Variants in THSD7B observed in about 807,000 individuals in gnomAD.
The protein encoded by THSD7B is thrombospondin type 1 domain containing 7B.
Under a neutral mutation model 213.6 loss-of-function variants are expected in THSD7B, and 138 were observed. The ratio of observed to expected loss-of-function variants is 0.65; its 90% CI spans 0.56 to 0.74. THSD7B has a LOEUF of 0.74. THSD7B is among the 30% of genes least tolerant of loss of function. The pLI is 0.00. For missense variants in THSD7B, 1,931 were observed against 1,991.5 expected, an observed-to-expected ratio of 0.97 and a Z score of 0.58; for synonymous variants, 742 against 687.0, an observed-to-expected ratio of 1.08 and a Z score of -1.25.
chr2:137,071,901 A>G (rs2104892629), intron 3 of THSD7B, among the ~76,000 whole-genome samples: 1 of 152,268 alleles, frequency 6.6e-6, no homozygotes, highest in African/African-American at 2.4e-5. Flanking sequence ...CAGGTTTGTC[A>G]AAGATCAGAT....
At chr2:137,216,717 A>T (rs1043022672) in intron 7 of THSD7B, among the ~76,000 whole-genome samples, 1 of 152,150 alleles carries the variant, frequency 6.6e-6, no homozygotes, top group Admixed American at 6.5e-5. Context: ...TAGTTTGTGA[A>T]ATTTCACAGC....
chr2:136,793,971 G>GT (rs59468694), intron 1 of THSD7B, among the ~76,000 whole-genome samples: 4,751 of 150,384 alleles, frequency 0.032, 257 homozygotes, highest in African/African-American at 0.11. Context: ...GGTAATTTGT[G>GT]TTTTTTTTGT....
At chr2:136,852,351 C>CA (rs1024021215) in intron 1 of THSD7B, among the ~76,000 whole-genome samples, 3 of 134,882 alleles carry the variant, frequency 2.2e-5, no homozygotes, top group East Asian at 2.1e-4. Context: ...AACAAAACAA[C>CA]AAAAAAACCA....
chr2:137,361,568 G>A (rs190682767), intron 12 of THSD7B, among the ~76,000 whole-genome samples: 168 of 152,256 alleles, frequency 1.1e-3, no homozygotes, highest in African/African-American at 3.5e-3. Flanking sequence ...ACCGTGGCAC[G>A]AGAACTACAT....
chr2:137,277,502 T>A (rs879795760), intron 12 of THSD7B, among the ~76,000 whole-genome samples: 7 of 151,996 alleles, frequency 4.6e-5, no homozygotes, highest in Non-Finnish European at 8.8e-5. Flanking sequence ...TATCTTTTCT[T>A]TAAATTAAGA....
At chr2:137,056,355 T>C (rs1687162094) in intron 2 of THSD7B, 65 bp from the exon 3 acceptor site, 1 of 1,499,322 alleles carries the variant, frequency 6.7e-7, no homozygotes, top group Admixed American at 2.0e-5. Flanking sequence ...AATTGACTTC[T>C]ACTTACCTGT....
intron 15 of THSD7B, among the ~76,000 whole-genome samples, chr2:137,516,875 G>T (rs1680079752): frequency 6.6e-6 from 1 of 152,164 alleles, no homozygotes. Context: ...GGAGATTAGT[G>T]CCACCATCAA....
chr2:136,987,612 G>A (rs563683765), intron 2 of THSD7B, among the ~76,000 whole-genome samples: 8 of 152,124 alleles, frequency 5.3e-5, no homozygotes, highest in Non-Finnish European at 1.2e-4. Context: ...CATTCTTCTC[G>A]CCAGCTTTCC....
At chr2:137,058,881 G>A (rs1042730222) in intron 3 of THSD7B, among the ~76,000 whole-genome samples, 1 of 152,078 alleles carries the variant, frequency 6.6e-6, no homozygotes, top group South Asian at 2.1e-4. Context: ...GACTATGCTG[G>A]TACCCTGGTC....
intron 21 of THSD7B, among the ~76,000 whole-genome samples, chr2:137,648,582 T>G (rs1438872949): frequency 6.6e-6 from 1 of 152,184 alleles, no homozygotes; most frequent in African/African-American, 2.4e-5. Context: ...TGAGTAATAG[T>G]CCATTTGTAT....
intron 20 of THSD7B, among the ~76,000 whole-genome samples, chr2:137,638,240 T>C (rs111415290): frequency 0.028 from 4,264 of 152,240 alleles, 143 homozygotes; most frequent in African/African-American, 0.08. Flanking sequence ...AATTCCCACG[T>C]GTTGTAGGAG....
chr2:137,246,275 G>A (rs1021320407), intron 10 of THSD7B, among the ~76,000 whole-genome samples: 5 of 152,076 alleles, frequency 3.3e-5, no homozygotes, highest in African/African-American at 7.2e-5. Context: ...GTTGAGAAGC[G>A]GTTATGTCTG....
chr2:137,267,643 C>G (rs1237045340), intron 10 of THSD7B, among the ~76,000 whole-genome samples: 4 of 151,932 alleles, frequency 2.6e-5, no homozygotes, highest in Non-Finnish European at 5.9e-5. Flanking sequence ...TTATTTACCT[C>G]TTCCACCCCC....
intron 10 of THSD7B, among the ~76,000 whole-genome samples, chr2:137,260,159 A>G (rs1297461324): frequency 6.6e-6 from 1 of 152,226 alleles, no homozygotes; most frequent in East Asian, 1.9e-4. Context: ...AGGAGAAGGA[A>G]CTTATAGGAC....
chr2:136,822,474 G>A (rs1315144454), intron 1 of THSD7B, among the ~76,000 whole-genome samples: 1 of 152,138 alleles, frequency 6.6e-6, no homozygotes, highest in Non-Finnish European at 1.5e-5. Flanking sequence ...AACACTTAGA[G>A]CTTAGGGTCA....
chr2:137,005,595 C>G (rs1686089373), intron 2 of THSD7B, among the ~76,000 whole-genome samples: 1 of 152,210 alleles, frequency 6.6e-6, no homozygotes, highest in Non-Finnish European at 1.5e-5. Flanking sequence ...GTCATAATTA[C>G]TTCTGCAATT....
intron 3 of THSD7B, among the ~76,000 whole-genome samples, chr2:137,069,611 G>T (rs1311368301): frequency 1.3e-5 from 2 of 151,870 alleles, no homozygotes; most frequent in Non-Finnish European, 2.9e-5. Flanking sequence ...GTGACTGAAG[G>T]ATAATAAATT....
chr2:137,214,149 G>T (rs144887170), intron 7 of THSD7B, among the ~76,000 whole-genome samples: 1 of 152,016 alleles, frequency 6.6e-6, no homozygotes, highest in Admixed American at 6.6e-5. Context: ...TTGTGTTAAT[G>T]GCAGTGTATA....
In THSD7B at chr2:136,952,895, G is replaced by A. The variant is rs771690503; in HGVS notation, c.139+70578G>A. 2.0e-5 allele frequency among the ~76,000 whole-genome samples: 3 copies of A among 152,194 alleles called. No homozygotes were observed. In the East Asian group the frequency reaches 5.8e-4, roughly 29 times the overall value. On this transcript the variant is annotated intron_variant, in intron 2 of 27. Coordinates refer to ENST00000409968, the MANE Select transcript of THSD7B (RefSeq NM_001316349.2). ...TGGATATCTGATATTTGCCATTAAT[G>A]GGAATAAAAAATTCATAAACCAGTT...
Sources: allele counts gnomAD v4.1 joint callset (sites outside exome capture counted in the v4.1 genomes callset), GRCh38; gene constraint gnomAD v4.1.1; transcripts MANE v1.5; gene names NCBI Gene and HGNC (gene_info 2026-07-23, HGNC 2026-07-21).